KIAA1958: variants seen among roughly 807,000 people sequenced by gnomAD.
KIAA1958 encodes the protein KIAA1958.
A neutral mutation model predicts 47.2 loss-of-function variants in KIAA1958; 14 were observed. That is an observed-to-expected ratio of 0.30 (90% CI 0.20 to 0.46). KIAA1958 has a LOEUF of 0.46. Ranked by LOEUF, KIAA1958 falls within the 20% of genes least tolerant of loss-of-function variation. KIAA1958 has a pLI of 1.00. For missense variants in KIAA1958, 803 were observed against 909.2 expected (o/e 0.88, Z 1.50); for synonymous variants, 354 against 353.3 (o/e 1.00, Z -0.02).
intron 2 of KIAA1958, among the ~76,000 whole-genome samples, chr9:112,634,502 A>C (rs1305463541): frequency 6.6e-6 from 1 of 152,186 alleles, no homozygotes; most frequent in East Asian, 1.9e-4. Flanking sequence ...AAGTGCTGGG[A>C]TTACAGGCGT....
intron 1 of KIAA1958, among the ~76,000 whole-genome samples, chr9:112,536,706 A>G (rs776956525): frequency 3.3e-5 from 5 of 152,184 alleles, no homozygotes; most frequent in Admixed American, 6.5e-5. Flanking sequence ...GCTTGAGCCC[A>G]AGAGTTTGAG....
chr9:112,548,047 C>T (rs1358320175), intron 1 of KIAA1958, among the ~76,000 whole-genome samples: 4 of 137,314 alleles, frequency 2.9e-5, no homozygotes, highest in Admixed American at 7.8e-5. Context: ...CTTGCCCTTT[C>T]TCCCAGGCTG....
chr9:112,633,273 A>G (rs1271437783), intron 2 of KIAA1958, among the ~76,000 whole-genome samples: 1 of 150,138 alleles, frequency 6.7e-6, no homozygotes, highest in Non-Finnish European at 1.5e-5. Flanking sequence ...TTACATGTTT[A>G]CTTTCTTAAA....
chr9:112,653,145 G>A (rs1031881822), intron 3 of KIAA1958, among the ~76,000 whole-genome samples: 16 of 152,292 alleles, frequency 1.1e-4, no homozygotes, highest in African/African-American at 3.8e-4. Flanking sequence ...CTTAGGTGAC[G>A]TAGAAAGTAA....
At chr9:112,610,383 TGA>T (rs1491255362) in intron 2 of KIAA1958, among the ~76,000 whole-genome samples, 2 of 151,572 alleles carry the variant, frequency 1.3e-5, no homozygotes, top group African/African-American at 4.8e-5. Context: ...GTAGAACCAA[TGA>T]AAAAATATCC....
chr9:112,615,669 G>A (rs1330035152), intron 2 of KIAA1958, among the ~76,000 whole-genome samples: 3 of 151,946 alleles, frequency 2.0e-5, no homozygotes, highest in Admixed American at 1.3e-4. Context: ...CCCCATTCAG[G>A]CCCCAAACAC....
intron 1 of KIAA1958, among the ~76,000 whole-genome samples, chr9:112,566,202 C>T (rs932278051): frequency 1.3e-5 from 2 of 152,000 alleles, no homozygotes; most frequent in African/African-American, 4.8e-5. Context: ...CGTGCCTAGC[C>T]TATCTTTTGA....
intron 1 of KIAA1958, among the ~76,000 whole-genome samples, chr9:112,569,024 T>C (rs1835484636): frequency 6.7e-6 from 1 of 148,590 alleles, no homozygotes; most frequent in South Asian, 2.2e-4. Flanking sequence ...ATGGAGGTAG[T>C]CTGTAAGAAC....
chr9:112,497,484 T>G (rs1834065498), intron 1 of KIAA1958, among the ~76,000 whole-genome samples: 1 of 152,152 alleles, frequency 6.6e-6, no homozygotes, highest in African/African-American at 2.4e-5. Flanking sequence ...TGCCAACACT[T>G]TGATCTTAGA....
At chr9:112,506,073 G>A (rs756231577) in intron 1 of KIAA1958, among the ~76,000 whole-genome samples, 1 of 152,172 alleles carries the variant, frequency 6.6e-6, no homozygotes, top group African/African-American at 2.4e-5. Context: ...TTTCTATAAA[G>A]TAATTTTTGA....
At chr9:112,639,885 G>A (rs925516507) in intron 2 of KIAA1958, among the ~76,000 whole-genome samples, 5 of 152,130 alleles carry the variant, frequency 3.3e-5, no homozygotes, top group African/African-American at 7.2e-5. Context: ...GGGAAGAAGA[G>A]GAAGAAGAGA....
Position 112,553,400 on chromosome 9 carries a change from A to G in KIAA1958, c.-24-20657A>G, listed in dbSNP as rs538606769. On this transcript the variant is annotated intron_variant, in intron 1 of 3. Transcript: ENST00000337530. Reference sequence around the variant, plus strand: ...GTGTTGCCCAGGCTGGTCTTGATCAAACTCCTGGGCTCAAGCCATCCTCCT... The same window carrying G: ...GTGTTGCCCAGGCTGGTCTTGATCAGACTCCTGGGCTCAAGCCATCCTCCT... 7.9e-5 allele frequency among the ~76,000 whole-genome samples: 12 copies of G among 152,080 alleles called. No individual in the cohort carries two copies. The East Asian group carries it at 2.3e-3, about 30-fold the overall frequency.
chr9:112,668,822 C>T lies in KIAA1958; in HGVS notation c.*8753C>T, dbSNP rs183621876. The T allele has an allele frequency of 1.5e-4, 23 of 152,314 alleles. No individual in the cohort carries two copies. The highest frequency in any genetic ancestry group is 5.5e-4 in the African/African-American group (23 of 41,574). The allele number at this position is 152,314 out of a possible 1,614,324, so 9.4% of individuals were successfully genotyped here. The stretch of plus-strand genomic sequence containing the variant: ...TCTTCTGGGTAGATTCCAAGTATAA[C>T]CTGTCCCAGGGTCCTCTTGCTCAGC... On this transcript the variant is annotated 3_prime_UTR_variant, in exon 4 of 4. Coordinates refer to ENST00000337530, the MANE Select transcript of KIAA1958 (RefSeq NM_133465.4).
intron 2 of KIAA1958, among the ~76,000 whole-genome samples, chr9:112,585,954 A>T (rs1335323355): frequency 6.6e-6 from 1 of 152,252 alleles, no homozygotes; most frequent in Non-Finnish European, 1.5e-5. Context: ...AAGCCTACAA[A>T]GTGCCAAGTT....
chr9:112,583,451 C>T (rs1653540065), intron 2 of KIAA1958, among the ~76,000 whole-genome samples: 1 of 152,122 alleles, frequency 6.6e-6, no homozygotes, highest in South Asian at 2.1e-4. Flanking sequence ...GCGTATCATA[C>T]AACCTTGGAA....
At chr9:112,569,663 C>T (rs1386897396) in intron 1 of KIAA1958, among the ~76,000 whole-genome samples, 1 of 151,024 alleles carries the variant, frequency 6.6e-6, no homozygotes, top group African/African-American at 2.4e-5. Flanking sequence ...TCTTGTCACC[C>T]AGGCTGGTGT....
chr9:112,634,241 T>C (rs1339046050), intron 2 of KIAA1958, among the ~76,000 whole-genome samples: 1 of 152,236 alleles, frequency 6.6e-6, no homozygotes, highest in Non-Finnish European at 1.5e-5. Flanking sequence ...TTTTGTCCTT[T>C]TTTTGGGATG....
chr9:112,548,254 C>T lies in KIAA1958; in HGVS notation c.-24-25803C>T, dbSNP rs928926182. Reference sequence around the variant, plus strand: ...TGGCAGTCTGCCCACCTTGGCCTCCCAAAGTGTTACAGGTGTTAGCCACTG... The same window carrying T: ...TGGCAGTCTGCCCACCTTGGCCTCCTAAAGTGTTACAGGTGTTAGCCACTG... On this transcript the variant is annotated intron_variant, in intron 1 of 3. Coordinates refer to ENST00000337530, the MANE Select transcript of KIAA1958 (RefSeq NM_133465.4). Among the ~76,000 whole-genome samples the T allele has an allele frequency of 5.3e-5, 8 of 152,292 alleles. No homozygotes were observed. In the East Asian group the frequency reaches 1.3e-3, roughly 26 times the overall value.
intron 1 of KIAA1958, among the ~76,000 whole-genome samples, chr9:112,558,524 G>A (rs1835279736): frequency 6.6e-6 from 1 of 152,156 alleles, no homozygotes; most frequent in Non-Finnish European, 1.5e-5. Context: ...TTTCTAGAAT[G>A]AGTGGTATGG....
Sources: allele counts gnomAD v4.1 joint callset (sites outside exome capture counted in the v4.1 genomes callset), GRCh38; gene constraint gnomAD v4.1.1; transcripts MANE v1.5; gene names NCBI Gene and HGNC (gene_info 2026-07-23, HGNC 2026-07-21).